The following CAPN15 variants were observed in gnomAD, a reference collection of about 807,000 sequenced individuals.
CAPN15 encodes the protein calpain-15.
In CAPN15, 53 loss-of-function variants were observed where a neutral mutation model predicts 97.9. The observed-to-expected ratio is 0.54, with a 90% CI of 0.43 to 0.68. CAPN15 has a LOEUF of 0.68. CAPN15 is among the 30% of genes least tolerant of loss of function. CAPN15 has a pLI of 0.00. For missense variants in CAPN15, 1,592 were observed against 1,589.8 expected, an observed-to-expected ratio of 1.00 and a Z score of -0.02; for synonymous variants, 922 against 722.5, an observed-to-expected ratio of 1.28 and a Z score of -4.43.
Position 550,654 on chromosome 16 carries a change from G to A in CAPN15, c.2067-648G>A, listed in dbSNP as rs967950488. On this transcript the variant is annotated intron_variant, in intron 7 of 13. Transcript: ENST00000219611. ...CCCCTGTCAGTGAGGGTTCCCTGTC[G>A]GTGAGGGTCCCCGGTCGGTGAGGGC... Among the ~76,000 whole-genome samples, 21 of 150,680 alleles carry A rather than the reference G, an allele frequency of 1.4e-4. No homozygotes were observed. The South Asian group carries it at 3.8e-3, about 27-fold the overall frequency.
In CAPN15 at chr16:539,704, C is replaced by T. The variant is rs1310170338; in HGVS notation, c.-23+3562C>T. On this transcript the variant is annotated intron_variant, in intron 3 of 13. Coordinates refer to ENST00000219611, the MANE Select transcript of CAPN15 (RefSeq NM_005632.3). ...TGGGCAGCTGTGTGAAGCGGCCCCC[C>T]AGATCTTCATCCAGCCTGGCCTGCA... is the stretch of plus-strand genomic sequence containing the variant. 3 of 152,412 alleles carry T rather than the reference C, an allele frequency of 2.0e-5. 1 individual carries two copies. The highest frequency in any genetic ancestry group is 4.1e-4 in the South Asian group (2 of 4,840). The allele number at this position is 152,412 out of a possible 1,614,324, so 9.4% of individuals were successfully genotyped here.
intron 3 of CAPN15, among the ~76,000 whole-genome samples, chr16:545,891 G>A (rs1230245034): frequency 3.9e-5 from 6 of 152,242 alleles, no homozygotes; most frequent in East Asian, 1.9e-4. Flanking sequence ...GCCGAGGAAC[G>A]TGCAGGTGCG....
intron 7 of CAPN15, among the ~76,000 whole-genome samples, chr16:550,740 G>A (rs1482387621): frequency 7.0e-6 from 1 of 141,860 alleles, no homozygotes; most frequent in Non-Finnish European, 1.5e-5. Context: ...CCCCGTCGGT[G>A]AGGGTCCCGG....
chr16:549,497 G>A (rs557292886), intron 6 of CAPN15, 26 bp downstream of exon 6: 109 of 1,560,018 alleles, frequency 7.0e-5, no homozygotes, highest in Admixed American at 4.0e-4. Flanking sequence ...GGGTGGGCAC[G>A]GGCGGCAGGG....
chr16:551,942 G>A (rs1311058597), intron 9 of CAPN15, 109 bp from the exon 10 acceptor site: 17 of 1,227,238 alleles, frequency 1.4e-5, no homozygotes, highest in Admixed American at 1.3e-4. Context: ...GGACGGTGAC[G>A]GAGCAGCTGG....
chr16:547,219 CGAG>C lies in CAPN15; in HGVS notation c.388_390del (p.Glu130del), dbSNP rs1410078492. ...CCAGGGGGCAGTGCGAGGACAAGGACGAGGAGGAGAAGGAGGAGCAGGAGGAGG... is the reference window on the plus strand; with the variant it reads ...CCAGGGGGCAGTGCGAGGACAAGGACGAGGAGAAGGAGGAGCAGGAGGAGG... On this transcript the variant is annotated inframe_deletion, in exon 4 of 14. Transcript: ENST00000219611. 5 of 1,526,250 alleles carry C rather than the reference CGAG, an allele frequency of 3.3e-6. No homozygotes were observed. The highest frequency in any genetic ancestry group is 4.4e-6 in the Non-Finnish European group (5 of 1,142,458). 94.5% of individuals were successfully genotyped at this position (1,526,250 alleles called of 1,614,324 possible).
chr16:551,699 C>G (rs1259745011), intron 9 of CAPN15, 35 bp downstream of exon 9: 7 of 1,579,400 alleles, frequency 4.4e-6, no homozygotes, highest in Non-Finnish European at 6.0e-6. Flanking sequence ...CACGCCGCCC[C>G]CGCCCTCCTA....
chr16:537,178 G>C, intron 3 of CAPN15: 7 of 985,494 alleles, frequency 7.1e-6, no homozygotes, highest in Non-Finnish European at 8.4e-6. Flanking sequence ...GGACTGTGCT[G>C]TCCCTGCTCT....
At chr16:551,950 TG>T in intron 9 of CAPN15, 100 bp from the exon 10 acceptor site, 2 of 1,282,636 alleles carry the variant, frequency 1.6e-6, no homozygotes, top group Non-Finnish European at 2.2e-6. Context: ...ACGGAGCAGC[TG>T]GCACCTGCTG....
chr16:528,739 C>A, intron 1 of CAPN15: 1 of 985,428 alleles, frequency 1.0e-6, no homozygotes. Flanking sequence ...ACCCGGAAAG[C>A]AATGGTGAGG....
chr16:544,345 C>T (rs1294907164), intron 3 of CAPN15, among the ~76,000 whole-genome samples: 4 of 152,108 alleles, frequency 2.6e-5, no homozygotes, highest in Non-Finnish European at 5.9e-5. Context: ...ATCTGTGTTT[C>T]TCGGTGTGGC....
chr16:540,897 G>A (rs979347386), intron 3 of CAPN15, among the ~76,000 whole-genome samples: 1 of 152,238 alleles, frequency 6.6e-6, no homozygotes, highest in Non-Finnish European at 1.5e-5. Context: ...AGGCAGTCCA[G>A]GTGGTGAGGT....
chr16:538,398 T>A (rs1055743603), intron 3 of CAPN15: 1 of 152,152 alleles, frequency 6.6e-6, no homozygotes, highest in Non-Finnish European at 1.5e-5. Context: ...CACCCCACAC[T>A]GGCCCCGTGT....
chr16:547,875 G>A lies in CAPN15; in HGVS notation c.1037G>A (p.Cys346Tyr), dbSNP rs758784730. 1.2e-6 allele frequency: 2 copies of A among 1,611,464 alleles called. No homozygotes were observed. Among genetic ancestry groups the A allele is most frequent in the South Asian group, 1.1e-5 (1 of 90,836 alleles). Residue 346 changes from cysteine to tyrosine, a missense_variant, in exon 4 of 14, where the codon TGT becomes TAT. Coordinates refer to ENST00000219611, the MANE Select transcript of CAPN15 (RefSeq NM_005632.3). ...AGCCCCGACTTCACCACCTGGTCAT[G>A]TGCCAAGTGCACGCTCAGAAACCCC... ...PSSPDFTTWS[C>Y]AKCTLRNPTV...
In CAPN15 at chr16:543,772, G is replaced by A. The variant is rs561828959; in HGVS notation, c.-22-3045G>A. Among the ~76,000 whole-genome samples, 28 of 152,318 alleles carry A rather than the reference G, an allele frequency of 1.8e-4. No individual in the cohort carries two copies. In the South Asian group the frequency reaches 2.3e-3, roughly 12 times the overall value. ...GCACAGGCGACCCCTGCCGTGCTCCGACGGAGGGCGCCGGGACTGGGGAGG... is the reference window on the plus strand; with the variant it reads ...GCACAGGCGACCCCTGCCGTGCTCCAACGGAGGGCGCCGGGACTGGGGAGG... On this transcript the variant is annotated intron_variant, in intron 3 of 13. Coordinates refer to ENST00000219611, the MANE Select transcript of CAPN15 (RefSeq NM_005632.3).
At chr16:548,392 C>T (rs895920723) in intron 4 of CAPN15, 105 bp downstream of exon 4, 7 of 1,171,118 alleles carry the variant, frequency 6.0e-6, no homozygotes, top group Non-Finnish European at 8.0e-6. Context: ...GCCCACAAGG[C>T]CTAAGACGTG....
In CAPN15 at chr16:547,304, AAC is replaced by A; in HGVS notation, c.469_470del (p.Thr157AlafsTer23). On this transcript the variant is annotated frameshift_variant, in exon 4 of 14. Coordinates refer to ENST00000219611, the MANE Select transcript of CAPN15 (RefSeq NM_005632.3). LOFTEE classifies it high-confidence loss of function. The part of the protein sequence containing the change: ...GWACPRCTLH[N>X]TPVASSCSVC... ...GGCGTGTCCGCGTTGCACGCTGCAC[AAC>A]ACGCCCGTGGCCAGCTCCTGCTCCG... 6.6e-7 allele frequency: 1 copy of A among 1,524,662 alleles called. No homozygotes were observed. Among genetic ancestry groups the A allele is most frequent in the Non-Finnish European group, 8.8e-7 (1 of 1,140,936 alleles). 94.4% of individuals were successfully genotyped at this position (1,524,662 alleles called of 1,614,324 possible).
intron 3 of CAPN15, chr16:538,079 T>A (rs2064886834): frequency 6.6e-6 from 1 of 152,244 alleles, no homozygotes; most frequent in Non-Finnish European, 1.5e-5. Flanking sequence ...CCTTTCCACC[T>A]GTCTTACGTG....
At chr16:534,422 C>T (rs1034008083) in intron 2 of CAPN15, among the ~76,000 whole-genome samples, 2 of 152,212 alleles carry the variant, frequency 1.3e-5, no homozygotes, top group Admixed American at 6.5e-5. Context: ...AGAATGCTGT[C>T]CTGCCAGTTG....
Sources: gnomAD v4.1 joint callset for allele counts (sites outside exome capture counted in the v4.1 genomes callset) on GRCh38, gnomAD v4.1.1 for gene constraint, MANE v1.5 for transcripts, NCBI Gene and HGNC (gene_info 2026-07-23, HGNC 2026-07-21) for gene names.